ACTN4: variants seen among roughly 807,000 people sequenced by gnomAD.
The protein encoded by ACTN4 is actinin alpha 4.
Under a neutral mutation model 114.2 loss-of-function variants are expected in ACTN4, and 18 were observed. That is an observed-to-expected ratio of 0.16 (90% CI 0.11 to 0.23). The LOEUF is 0.23. ACTN4 is among the 10% of genes least tolerant of loss of function. The probability of loss-of-function intolerance (pLI) is 1.00; values close to 1 mark genes in which losing one functional copy is unlikely to be tolerated. For missense variants in ACTN4, 722 were observed against 1,262.9 expected, an observed-to-expected ratio of 0.57 and a Z score of 6.49; for synonymous variants, 515 against 506.3, an observed-to-expected ratio of 1.02 and a Z score of -0.23.
chr19:38,658,827 C>G (rs1167452596), intron 1 of ACTN4, among the ~76,000 whole-genome samples: 1 of 148,758 alleles, frequency 6.7e-6, no homozygotes, highest in African/African-American at 2.5e-5. Context: ...GAGGCAGTTA[C>G]TTTTTTTTTT....
chr19:38,727,395 G>A lies in ACTN4; in HGVS notation c.2337+292G>A, dbSNP rs762680674. 1.6e-4 allele frequency among the ~76,000 whole-genome samples: 24 copies of A among 152,112 alleles called. No homozygotes were observed. Among genetic ancestry groups the A allele is most frequent in the Non-Finnish European group, 2.6e-4 (18 of 68,002 alleles). On this transcript the variant is annotated intron_variant, in intron 18 of 20. Transcript: ENST00000252699. The surrounding 1 kb of genome is among the most constrained non-coding windows in gnomAD (Gnocchi z 5.4). ...TGAAGTCTCAGCACACCCAGGCTTTGCGACCCGGTCTGTGAACCTGGACAC... is the reference window on the plus strand; with the variant it reads ...TGAAGTCTCAGCACACCCAGGCTTTACGACCCGGTCTGTGAACCTGGACAC...
chr19:38,705,682 A>G (rs1229687295), intron 4 of ACTN4, among the ~76,000 whole-genome samples: 1 of 152,230 alleles, frequency 6.6e-6, no homozygotes, highest in East Asian at 1.9e-4. Flanking sequence ...GGCCGGTATC[A>G]AGGGCCTGTC....
At chr19:38,723,815 C>T (rs541394163) in intron 13 of ACTN4, 93 bp downstream of exon 13, 7 of 1,457,136 alleles carry the variant, frequency 4.8e-6, no homozygotes, top group African/African-American at 2.8e-5. Flanking sequence ...GAGCTCCCCC[C>T]ACCTCCCACG....
At chr19:38,723,209 C>T (rs980865323) in intron 12 of ACTN4, among the ~76,000 whole-genome samples, 3 of 152,174 alleles carry the variant, frequency 2.0e-5, no homozygotes, top group African/African-American at 4.8e-5. Context: ...AGCCCCTGTC[C>T]GCTGTCTGTG....
rs776116050 is a variant in ACTN4 at position 38,721,522 on chromosome 19, T to C, written c.1292-16T>C. ...GCTGCCGTGCTGTGGTCTAAGCGTC[T>C]CTCTGCTCCTACCAGGGAAGGAAGC... On this transcript the variant is annotated splice_polypyrimidine_tract_variant and intron_variant, in intron 11 of 20. Transcript: ENST00000252699. 3.7e-6 allele frequency: 6 copies of C among 1,613,404 alleles called. No individual in the cohort carries two copies. In the Admixed American group the frequency reaches 5.0e-5, roughly 13 times the overall value.
rs780542075 is a variant in ACTN4 at position 38,717,915 on chromosome 19, G to T, written c.1144-12G>T. On this transcript the variant is annotated splice_polypyrimidine_tract_variant and intron_variant, in intron 10 of 20. Coordinates refer to ENST00000252699, the MANE Select transcript of ACTN4 (RefSeq NM_004924.6). This position sits in a 1 kb window ranked among gnomAD's most constrained non-coding sequence, Gnocchi z 4.0. ...CCTTGTGATAGCCCTGCCTGCTCCT[G>T]CCCTGCCCCAGGACATCAACAATGG... 1.5e-5 allele frequency: 23 copies of T among 1,584,484 alleles called. No individual in the cohort carries two copies. Among genetic ancestry groups the T allele is most frequent in the Non-Finnish European group, 1.9e-5 (22 of 1,164,522 alleles).
intron 3 of ACTN4, among the ~76,000 whole-genome samples, chr19:38,702,638 G>A (rs1028499604): frequency 1.3e-5 from 2 of 152,172 alleles, no homozygotes; most frequent in South Asian, 2.1e-4. Context: ...GAGCTGCCTC[G>A]CTGCACTAAG....
intron 3 of ACTN4, 101 bp from the exon 4 acceptor site, chr19:38,704,833 C>T: frequency 9.3e-7 from 1 of 1,070,632 alleles, no homozygotes; most frequent in African/African-American, 1.6e-5. Flanking sequence ...GGTTTGGAGC[C>T]TTTCTCTAGA....
intron 1 of ACTN4, among the ~76,000 whole-genome samples, chr19:38,677,352 T>C (rs1967411850): frequency 7.3e-6 from 1 of 137,222 alleles, no homozygotes; most frequent in Non-Finnish European, 1.7e-5. Flanking sequence ...AAATATGTAT[T>C]GAATGAATAG....
intron 8 of ACTN4, among the ~76,000 whole-genome samples, chr19:38,713,332 C>T (rs555300136): frequency 1.3e-5 from 2 of 152,214 alleles, no homozygotes; most frequent in African/African-American, 4.8e-5. Flanking sequence ...GCGGCAGCCC[C>T]GTGCTCACAG....
At chr19:38,713,249 C>G (rs1968722798) in intron 8 of ACTN4, among the ~76,000 whole-genome samples, 4 of 152,226 alleles carry the variant, frequency 2.6e-5, no homozygotes, top group Non-Finnish European at 5.9e-5. Flanking sequence ...TTCAGCAACC[C>G]TGAACACCGC....
chr19:38,710,783 TC>T (rs1312049793), intron 8 of ACTN4: 1 of 314,308 alleles, frequency 3.2e-6, no homozygotes, highest in Non-Finnish European at 6.3e-6. Flanking sequence ...GCACAGGTGT[TC>T]CAGGCAGAGG....
chr19:38,690,097 G>C (rs1967873571), intron 1 of ACTN4, among the ~76,000 whole-genome samples: 1 of 152,232 alleles, frequency 6.6e-6, no homozygotes, highest in African/African-American at 2.4e-5. Context: ...AGCACAGGAG[G>C]AGGGACAATG....
intron 1 of ACTN4, among the ~76,000 whole-genome samples, chr19:38,673,641 A>T (rs1307508348): frequency 4.0e-5 from 2 of 49,672 alleles, no homozygotes; most frequent in Admixed American, 2.6e-4. Flanking sequence ...ATATATTTAT[A>T]TATATTTATA....
At chr19:38,666,171 C>A (rs1237512891) in intron 1 of ACTN4, among the ~76,000 whole-genome samples, 3 of 151,982 alleles carry the variant, frequency 2.0e-5, no homozygotes, top group Non-Finnish European at 2.9e-5. Context: ...CCTCCCGCGC[C>A]CCCCCCTTTC....
intron 1 of ACTN4, chr19:38,684,042 C>G (rs1276769655): frequency 6.5e-6 from 1 of 152,852 alleles, no homozygotes; most frequent in African/African-American, 2.4e-5. Context: ...GGAAAGCAGA[C>G]TTGGTGAGGC....
At chr19:38,654,259 G>A (rs1016739987) in intron 1 of ACTN4, among the ~76,000 whole-genome samples, 5 of 152,110 alleles carry the variant, frequency 3.3e-5, no homozygotes, top group African/African-American at 4.8e-5. Flanking sequence ...GAAGGATCCC[G>A]CCTCCTCCAG....
In ACTN4 at chr19:38,718,085, G is replaced by GCTCTGCCCCA. The variant is rs760851285; in HGVS notation, c.1291+20_1291+29dup. The GCTCTGCCCCA allele has an allele frequency of 3.7e-6, 6 of 1,602,130 alleles. No homozygotes were observed. The highest frequency in any genetic ancestry group is 1.3e-5 in the African/African-American group (1 of 74,716). On this transcript the variant is annotated intron_variant, in intron 11 of 20. Transcript: ENST00000252699. Reference sequence around the variant, plus strand: ...AGGCCTGGACTGACGGTACGGCCCAGCTCTGCCCCACTCTGCCCAGCCCCG... The same window carrying GCTCTGCCCCA: ...AGGCCTGGACTGACGGTACGGCCCAGCTCTGCCCCACTCTGCCCCACTCTGCCCAGCCCCG...
intron 1 of ACTN4, among the ~76,000 whole-genome samples, chr19:38,673,568 TATATATATTC>T (rs1967234219): frequency 2.6e-5 from 1 of 37,842 alleles, no homozygotes; most frequent in Non-Finnish European, 7.4e-5. Flanking sequence ...TATATATATT[TATATATATTC>T]ATATATATTT....
Sources: allele counts gnomAD v4.1 joint callset (sites outside exome capture counted in the v4.1 genomes callset), GRCh38; gene constraint gnomAD v4.1.1; non-coding constraint Gnocchi (gnomAD v3.1); transcripts MANE v1.5; gene names NCBI Gene and HGNC (gene_info 2026-07-23, HGNC 2026-07-21).